Variants in PCDHGA9 observed in about 807,000 individuals in gnomAD.
PCDHGA9 encodes protocadherin gamma subfamily A, 9.
A neutral mutation model predicts 62.5 loss-of-function variants in PCDHGA9; 37 were observed. The ratio of observed to expected loss-of-function variants is 0.59; its 90% CI spans 0.46 to 0.78. PCDHGA9 has a LOEUF of 0.78. PCDHGA9 is among the 30% of genes least tolerant of loss of function. The pLI is 0.00. For synonymous variants in PCDHGA9, 459 were observed against 484.6 expected, an observed-to-expected ratio of 0.95 and a Z score of 0.69; for missense variants, 1,138 against 1,166.2, an observed-to-expected ratio of 0.98 and a Z score of 0.35.
intron 1 of PCDHGA9, chr5:141,471,300 C>T (rs2099254628): frequency 6.6e-6 from 1 of 152,190 alleles, no homozygotes; most frequent in African/African-American, 2.4e-5. Context: ...ATCCACCCAA[C>T]TCGGCCTCCC....
chr5:141,476,357 C>T lies in PCDHGA9; in HGVS notation c.2425-18450C>T. On this transcript the variant is annotated intron_variant, in intron 1 of 3. Transcript: ENST00000573521. The surrounding 1 kb of genome is among the most constrained non-coding windows in gnomAD (Gnocchi z 7.6). ...TAGCCGAAGATTCTTTGAGGTGAAC[C>T]GGGAGACCGGAGAGATGTTTGTGAA... The T allele has an allele frequency of 6.2e-7, 1 of 1,614,052 alleles. No individual in the cohort carries two copies. The highest frequency in any genetic ancestry group is 2.2e-5 in the East Asian group (1 of 44,854).
intron 1 of PCDHGA9, chr5:141,426,986 C>T (rs764345099): frequency 1.8e-5 from 8 of 456,618 alleles, no homozygotes; most frequent in South Asian, 7.7e-5. Flanking sequence ...CTGATGCCAA[C>T]GATAATGCCC....
In PCDHGA9 at chr5:141,431,465, AACG is replaced by A; in HGVS notation, c.2424+26092_2424+26094del. 1.9e-6 allele frequency: 3 copies of A among 1,613,790 alleles called. No homozygotes were observed. The highest frequency in any genetic ancestry group is 2.5e-6 in the Non-Finnish European group (3 of 1,179,970). ...CATCCGCGTGATGGTTCTGGATGCGAACGACAACGCACCAGCGTTTGCTCAGCC... is the reference window on the plus strand; with the variant it reads ...CATCCGCGTGATGGTTCTGGATGCGAACAACGCACCAGCGTTTGCTCAGCC... On this transcript the variant is annotated intron_variant, in intron 1 of 3. Transcript: ENST00000573521. The surrounding 1 kb of genome is among the most constrained non-coding windows in gnomAD (Gnocchi z 4.8).
At chr5:141,482,458 C>T (rs986628162) in intron 1 of PCDHGA9, among the ~76,000 whole-genome samples, 1 of 147,624 alleles carries the variant, frequency 6.8e-6, no homozygotes, top group Non-Finnish European at 1.5e-5. Context: ...ATTAGCATCC[C>T]TATGTGCCAG....
intron 1 of PCDHGA9, chr5:141,421,377 C>T (rs1168242339): frequency 1.9e-6 from 3 of 1,613,924 alleles, no homozygotes; most frequent in South Asian, 1.1e-5. Context: ...GCAATATCTC[C>T]AAGGACCTGG....
chr5:141,409,659 A>C, intron 1 of PCDHGA9: 1 of 1,613,574 alleles, frequency 6.2e-7, no homozygotes, highest in Non-Finnish European at 8.5e-7. Flanking sequence ...CTCAATGGCC[A>C]CATCTCCTAC....
chr5:141,420,960 T>C, intron 1 of PCDHGA9: 1 of 425,378 alleles, frequency 2.4e-6, no homozygotes, highest in East Asian at 3.9e-5. Context: ...TCTTAGTCGT[T>C]GCAATAATAA....
chr5:141,479,521 T>A (rs4912607), intron 1 of PCDHGA9: 2 of 152,104 alleles, frequency 1.3e-5, no homozygotes, highest in Non-Finnish European at 2.9e-5. Context: ...CTGGCCCAGG[T>A]TGGAAGTGGA....
At chr5:141,442,049 C>A in intron 1 of PCDHGA9, 2 of 202,550 alleles carry the variant, frequency 9.9e-6, no homozygotes, top group South Asian at 1.3e-4. Flanking sequence ...GCCTACTGGT[C>A]GCGGTGCACT....
At position 141,408,409 on chromosome 5, in the gene PCDHGA9, C is replaced by G. The variant is rs780778580; in HGVS notation, c.2424+3033C>G. On this transcript the variant is annotated intron_variant, in intron 1 of 3. Coordinates refer to ENST00000573521, the MANE Select transcript of PCDHGA9 (RefSeq NM_018921.3). ...TGTCGGCTCGCAAGCTGCGAGTGAGCGCGGAGAAGCTGCACTTCAGCGTAG... is the reference window on the plus strand; with the variant it reads ...TGTCGGCTCGCAAGCTGCGAGTGAGGGCGGAGAAGCTGCACTTCAGCGTAG... 3.1e-6 allele frequency: 5 copies of G among 1,613,884 alleles called. No individual in the cohort carries two copies. In the East Asian group the frequency reaches 1.1e-4, roughly 36 times the overall value.
intron 1 of PCDHGA9, among the ~76,000 whole-genome samples, chr5:141,467,820 G>T (rs1278112158): frequency 6.6e-6 from 1 of 151,884 alleles, no homozygotes; most frequent in African/African-American, 2.4e-5. Flanking sequence ...CACCACACCA[G>T]GCTGATTTTT....
chr5:141,436,958 G>C (rs2097855854), intron 1 of PCDHGA9, among the ~76,000 whole-genome samples: 1 of 152,124 alleles, frequency 6.6e-6, no homozygotes, highest in Non-Finnish European at 1.5e-5. Context: ...ATCTAAACAA[G>C]GATCTTGTGA....
Position 141,477,514 on chromosome 5 carries a change from T to G in PCDHGA9, c.2425-17293T>G. 1 of 1,614,114 alleles carries G rather than the reference T, an allele frequency of 6.2e-7. No individual in the cohort carries two copies. Among genetic ancestry groups the G allele is most frequent in the Non-Finnish European group, 8.5e-7 (1 of 1,180,026 alleles). On this transcript the variant is annotated intron_variant, in intron 1 of 3. Coordinates refer to ENST00000573521, the MANE Select transcript of PCDHGA9 (RefSeq NM_018921.3). The surrounding 1 kb of genome is among the most constrained non-coding windows in gnomAD (Gnocchi z 4.9). Reference sequence around the variant, plus strand: ...CTCAATCTTCCTACGACGTTTACATTGAAGAAAACAACCTCCCCGGGGCTC... The same window carrying G: ...CTCAATCTTCCTACGACGTTTACATGGAAGAAAACAACCTCCCCGGGGCTC...
At chr5:141,449,467 C>G (rs1356192128) in intron 1 of PCDHGA9, among the ~76,000 whole-genome samples, 1 of 150,842 alleles carries the variant, frequency 6.6e-6, no homozygotes, top group South Asian at 2.1e-4. Flanking sequence ...ATTAGCCAGG[C>G]CTGGTACCCC....
intron 1 of PCDHGA9, among the ~76,000 whole-genome samples, chr5:141,450,726 A>G (rs1302961852): frequency 2.0e-5 from 3 of 151,932 alleles, no homozygotes; most frequent in Admixed American, 2.0e-4. Flanking sequence ...ACCTCAGGTG[A>G]TCCGCCCGCC....
Position 141,431,587 on chromosome 5 carries a change from A to C in PCDHGA9, c.2424+26211A>C. On this transcript the variant is annotated intron_variant, in intron 1 of 3. Coordinates refer to ENST00000573521, the MANE Select transcript of PCDHGA9 (RefSeq NM_018921.3). This position sits in a 1 kb window ranked among gnomAD's most constrained non-coding sequence, Gnocchi z 4.8. ...ACCCTGACGAAGGAGTCAATGCGGA[A>C]GTGAGGTATTCCTTCCGGTATGTGG... The C allele has an allele frequency of 1.2e-6, 2 of 1,614,236 alleles. No homozygotes were observed. Among genetic ancestry groups the C allele is most frequent in the Non-Finnish European group, 1.7e-6 (2 of 1,180,036 alleles).
chr5:141,421,400 G>A (rs2096569762), intron 1 of PCDHGA9: 1 of 1,614,060 alleles, frequency 6.2e-7, no homozygotes, highest in Non-Finnish European at 8.5e-7. Context: ...CTGGAGCCCC[G>A]GGAGCTGGCG....
At chr5:141,433,044 A>T in intron 1 of PCDHGA9, 2 of 1,613,972 alleles carry the variant, frequency 1.2e-6, no homozygotes, top group Non-Finnish European at 8.5e-7. Flanking sequence ...CTCACCACGG[A>T]CTCGCGGAAG....
At chr5:141,503,679 G>A (rs562303239) in intron 2 of PCDHGA9, among the ~76,000 whole-genome samples, 1 of 152,054 alleles carries the variant, frequency 6.6e-6, no homozygotes, top group East Asian at 1.9e-4. Context: ...CCACTTTTGG[G>A]AAGGAGAATT....
Sources: allele counts gnomAD v4.1 joint callset (sites outside exome capture counted in the v4.1 genomes callset), GRCh38; gene constraint gnomAD v4.1.1; non-coding constraint Gnocchi (gnomAD v3.1); transcripts MANE v1.5; gene names NCBI Gene and HGNC (gene_info 2026-07-23, HGNC 2026-07-21).